SLC30A8: variants seen among roughly 807,000 people sequenced by gnomAD.
SLC30A8 encodes solute carrier family 30 member 8.
A neutral mutation model predicts 36.9 loss-of-function variants in SLC30A8; 27 were observed. The observed-to-expected ratio is 0.73, with a 90% CI of 0.54 to 1.01. The LOEUF (loss-of-function observed/expected upper bound fraction) is 1.01, where lower values mean the gene tolerates loss of function less well. Among genes scored for constraint, SLC30A8 ranks in the 50% least tolerant of loss-of-function variants. SLC30A8 has a pLI of 0.00. For missense variants in SLC30A8, 439 were observed against 452.0 expected (o/e 0.97, Z 0.26); for synonymous variants, 164 against 172.4 (o/e 0.95, Z 0.38).
chr8:117,145,280 A>G (rs1821847503), intron 1 of SLC30A8, among the ~76,000 whole-genome samples: 1 of 152,182 alleles, frequency 6.6e-6, no homozygotes, highest in Non-Finnish European at 1.5e-5. Context: ...ATATATTCAT[A>G]TATTACAAAG....
At chr8:117,100,948 A>G (rs1485024010) in intron 2 of SLC30A8, among the ~76,000 whole-genome samples, 2 of 152,188 alleles carry the variant, frequency 1.3e-5, no homozygotes, top group African/African-American at 2.4e-5. Flanking sequence ...TACTAGAACT[A>G]AACATACCAC....
At chr8:116,981,269 C>G (rs1299815438) in intron 1 of SLC30A8, among the ~76,000 whole-genome samples, 3 of 152,098 alleles carry the variant, frequency 2.0e-5, no homozygotes, top group African/African-American at 7.2e-5. Context: ...CTCTAGAGAA[C>G]CAGGTGGAAG....
chr8:117,146,289 G>T (rs1260012073), intron 1 of SLC30A8, among the ~76,000 whole-genome samples: 1 of 151,996 alleles, frequency 6.6e-6, no homozygotes. Context: ...AGAAAAAAGG[G>T]GTTAGACCAA....
intron 2 of SLC30A8, among the ~76,000 whole-genome samples, chr8:117,063,461 A>AT (rs892708911): frequency 6.6e-5 from 10 of 151,996 alleles, no homozygotes; most frequent in South Asian, 4.2e-4. Flanking sequence ...AAATCAGGCC[A>AT]TTTTTTTTCC....
intron 1 of SLC30A8, among the ~76,000 whole-genome samples, chr8:116,979,065 C>T (rs1018811151): frequency 2.6e-5 from 4 of 151,006 alleles, no homozygotes; most frequent in South Asian, 2.1e-4. Flanking sequence ...GATGAAACCC[C>T]GTCTCTACTA....
intron 6 of SLC30A8, among the ~76,000 whole-genome samples, chr8:117,168,572 C>G (rs117293925): frequency 2.6e-5 from 4 of 152,032 alleles, no homozygotes; most frequent in Non-Finnish European, 5.9e-5. Flanking sequence ...TCTTGCCTGG[C>G]AACACTATTT....
chr8:116,974,637 C>T (rs937770782), intron 1 of SLC30A8, among the ~76,000 whole-genome samples: 7 of 152,242 alleles, frequency 4.6e-5, no homozygotes, highest in Non-Finnish European at 1.0e-4. Context: ...GGTGATTCCT[C>T]AAGGATCTAG....
intron 2 of SLC30A8, among the ~76,000 whole-genome samples, chr8:117,126,035 C>A (rs1315722702): frequency 6.6e-6 from 1 of 151,828 alleles, no homozygotes; most frequent in Non-Finnish European, 1.5e-5. Flanking sequence ...TGTTTTCCCC[C>A]CTCGATGAAG....
At chr8:117,090,678 T>C (rs1819078264) in intron 2 of SLC30A8, among the ~76,000 whole-genome samples, 1 of 152,140 alleles carries the variant, frequency 6.6e-6, no homozygotes, top group Admixed American at 6.5e-5. Flanking sequence ...TCCCATCACA[T>C]TGGGGATTAA....
chr8:117,033,882 A>G (rs916197249), intron 1 of SLC30A8, among the ~76,000 whole-genome samples: 12 of 152,228 alleles, frequency 7.9e-5, no homozygotes, highest in African/African-American at 2.7e-4. Flanking sequence ...GAGAGCATGT[A>G]TTACTGAACT....
At chr8:117,010,646 T>C (rs1816313512) in intron 1 of SLC30A8, among the ~76,000 whole-genome samples, 1 of 152,342 alleles carries the variant, frequency 6.6e-6, no homozygotes. Flanking sequence ...ACTGCTATAA[T>C]GAAATGCCTG....
At chr8:116,958,840 C>CTTTTTT (rs1366507634) in intron 1 of SLC30A8, among the ~76,000 whole-genome samples, 1 of 72,698 alleles carries the variant, frequency 1.4e-5, no homozygotes, top group East Asian at 3.9e-4. Flanking sequence ...ATGCTCTTTT[C>CTTTTTT]ATTTTTTTTT....
chr8:116,973,962 G>A (rs1814883866), intron 1 of SLC30A8, among the ~76,000 whole-genome samples: 1 of 152,166 alleles, frequency 6.6e-6, no homozygotes, highest in African/African-American at 2.4e-5. Flanking sequence ...TTAATAAATG[G>A]TGCTGGGAAA....
At chr8:117,038,347 G>C (rs1000876005) in intron 1 of SLC30A8, among the ~76,000 whole-genome samples, 3 of 151,972 alleles carry the variant, frequency 2.0e-5, no homozygotes, top group Non-Finnish European at 4.4e-5. Context: ...TAAGTTCTAT[G>C]CACTTAACAA....
chr8:117,021,497 C>T (rs1563751655), intron 1 of SLC30A8, among the ~76,000 whole-genome samples: 2 of 152,198 alleles, frequency 1.3e-5, no homozygotes, highest in East Asian at 3.9e-4. Context: ...TAAAGAATAC[C>T]TAAATATGTA....
Position 117,157,860 on chromosome 8 carries a change from G to C in SLC30A8, c.572+16G>C. 1 of 1,613,398 alleles carries C rather than the reference G, an allele frequency of 6.2e-7. No homozygotes were observed. Among genetic ancestry groups the C allele is most frequent in the Non-Finnish European group, 8.5e-7 (1 of 1,179,732 alleles). ...CCAACATTGTGTAAGTCATCCCCTGGTCCCCACACACTGCTCATGAGGCTC... is the reference window on the plus strand; with the variant it reads ...CCAACATTGTGTAAGTCATCCCCTGCTCCCCACACACTGCTCATGAGGCTC... On this transcript the variant is annotated intron_variant, in intron 4 of 7. Coordinates refer to ENST00000456015, the MANE Select transcript of SLC30A8 (RefSeq NM_173851.3).
At chr8:116,956,994 C>T (rs1364023843) in intron 1 of SLC30A8, among the ~76,000 whole-genome samples, 1 of 152,138 alleles carries the variant, frequency 6.6e-6, no homozygotes, top group Non-Finnish European at 1.5e-5. Context: ...CAAATAGTTT[C>T]AATACTCATG....
At chr8:117,005,985 ATAAAT>A (rs1295011970) in intron 1 of SLC30A8, among the ~76,000 whole-genome samples, 7 of 152,232 alleles carry the variant, frequency 4.6e-5, no homozygotes, top group Non-Finnish European at 1.0e-4. Flanking sequence ...GTAGGCCCAG[ATAAAT>A]TAAATAATCA....
At chr8:117,133,745 C>T (rs188473253), upstream of SLC30A8, among the ~76,000 whole-genome samples, 19 of 152,012 alleles carry the variant, frequency 1.2e-4, no homozygotes, top group Admixed American at 1.1e-3. Flanking sequence ...TTTCTACTTT[C>T]GCCTCCACAG....
Sources: allele counts gnomAD v4.1 joint callset (sites outside exome capture counted in the v4.1 genomes callset), GRCh38; gene constraint gnomAD v4.1.1; transcripts MANE v1.5; gene names NCBI Gene and HGNC (gene_info 2026-07-23, HGNC 2026-07-21).